ST6GALNAC3: variants seen among roughly 807,000 people sequenced by gnomAD.
ST6GALNAC3 encodes ST6 N-acetylgalactosaminide alpha-2,6-sialyltransferase 3, also known as alpha-N-acetylgalactosaminide alpha-2,6-sialyltransferase 3.
A neutral mutation model predicts 32.7 loss-of-function variants in ST6GALNAC3; 25 were observed. The ratio of observed to expected loss-of-function variants is 0.76; its 90% CI spans 0.56 to 1.07. The LOEUF (loss-of-function observed/expected upper bound fraction) is 1.07, where lower values mean the gene tolerates loss of function less well. ST6GALNAC3 is among the 50% of genes least tolerant of loss of function. The pLI is 0.00. For synonymous variants in ST6GALNAC3, 129 were observed against 133.1 expected, an observed-to-expected ratio of 0.97 and a Z score of 0.21; for missense variants, 355 against 382.4, an observed-to-expected ratio of 0.93 and a Z score of 0.60.
intron 1 of ST6GALNAC3, among the ~76,000 whole-genome samples, chr1:76,123,561 G>T (rs1254664713): frequency 6.6e-6 from 1 of 151,968 alleles, no homozygotes; most frequent in Non-Finnish European, 1.5e-5. Flanking sequence ...AAGGGGGTAG[G>T]TATAGTGCTT....
chr1:76,262,897 A>G (rs1271292669), intron 1 of ST6GALNAC3, among the ~76,000 whole-genome samples: 1 of 152,076 alleles, frequency 6.6e-6, no homozygotes, highest in African/African-American at 2.4e-5. Context: ...CATGTTTATT[A>G]TATCCTGGAT....
At chr1:76,390,943 T>TAC (rs765956351) in intron 2 of ST6GALNAC3, among the ~76,000 whole-genome samples, 1 of 55,144 alleles carries the variant, frequency 1.8e-5, no homozygotes, top group Non-Finnish European at 4.7e-5. Flanking sequence ...TATATATATA[T>TAC]GTATTTTTTT....
chr1:76,103,002 A>T (rs76560645), intron 1 of ST6GALNAC3, among the ~76,000 whole-genome samples: 3 of 151,936 alleles, frequency 2.0e-5, no homozygotes, highest in African/African-American at 7.2e-5. Context: ...TGTTCTTTCA[A>T]TACTTAAAAG....
intron 3 of ST6GALNAC3, among the ~76,000 whole-genome samples, chr1:76,494,429 G>GTATATATATATATA (rs60378565): frequency 7.5e-5 from 4 of 53,420 alleles, no homozygotes; most frequent in African/African-American, 1.3e-4. Flanking sequence ...GTGTGCATGT[G>GTATATATATATATA]TATATATATA....
chr1:76,284,530 T>C (rs1368351575), intron 1 of ST6GALNAC3, among the ~76,000 whole-genome samples: 3 of 152,170 alleles, frequency 2.0e-5, no homozygotes. Context: ...ACTGGCTTCC[T>C]GGGATTTGTG....
chr1:76,555,347 T>C (rs568763649), intron 3 of ST6GALNAC3, among the ~76,000 whole-genome samples: 1 of 152,198 alleles, frequency 6.6e-6, no homozygotes, highest in Non-Finnish European at 1.5e-5. Context: ...TTCTAGTTTC[T>C]GTGGAATTAA....
chr1:76,524,890 A>C (rs953223869), intron 3 of ST6GALNAC3, among the ~76,000 whole-genome samples: 1 of 151,948 alleles, frequency 6.6e-6, no homozygotes, highest in African/African-American at 2.4e-5. Context: ...TATATAAAAA[A>C]ATTTTGTGAT....
intron 1 of ST6GALNAC3, among the ~76,000 whole-genome samples, chr1:76,280,631 T>C (rs1659444158): frequency 3.3e-5 from 5 of 152,186 alleles, no homozygotes; most frequent in Admixed American, 3.3e-4. Flanking sequence ...GAAAGGATTC[T>C]TGTAAGAATT....
chr1:76,185,728 G>T lies in ST6GALNAC3; in HGVS notation c.18+110844G>T, dbSNP rs143873718. Among the ~76,000 whole-genome samples the T allele has an allele frequency of 7.1e-3, 1,084 of 152,292 alleles. 30 individuals are homozygous for T. The highest frequency in any genetic ancestry group is 0.058 in the Admixed American group (893 of 15,294). ...ACACAGAGACGAACAGACCAGACAT[G>T]GTCCCTGCCCTCTTGGAGGAACACA... On this transcript the variant is annotated intron_variant, in intron 1 of 4. Coordinates refer to ENST00000328299, the MANE Select transcript of ST6GALNAC3 (RefSeq NM_152996.4).
chr1:76,241,301 A>G (rs1656949940), intron 1 of ST6GALNAC3, among the ~76,000 whole-genome samples: 1 of 152,206 alleles, frequency 6.6e-6, no homozygotes, highest in Admixed American at 6.5e-5. Flanking sequence ...GATATCTAGG[A>G]AAGTTCAAGG....
intron 2 of ST6GALNAC3, among the ~76,000 whole-genome samples, chr1:76,410,967 G>C (rs1222760611): frequency 6.6e-6 from 1 of 152,102 alleles, no homozygotes; most frequent in East Asian, 1.9e-4. Context: ...ACCCAGTCGA[G>C]AGAGGCTACT....
rs771895276 is a variant in ST6GALNAC3, at chr1:76,412,076, G to A, written c.282G>A (p.Val94=). The change falls in exon 3 of 5, where the codon GTG becomes GTA. Residue 94 remains valine (V), a synonymous_variant. Transcript: ENST00000328299. ...CAGGTCAGATGGTTGGCCAGAAGGTGGGAAATGAGATAGATCGATCCTCCT... is the reference window on the plus strand; with the variant it reads ...CAGGTCAGATGGTTGGCCAGAAGGTAGGAAATGAGATAGATCGATCCTCCT... ...SNSGQMVGQK[V]GNEIDRSSCI... 2.5e-6 allele frequency: 4 copies of A among 1,613,614 alleles called. No individual in the cohort carries two copies. Among genetic ancestry groups the A allele is most frequent in the Non-Finnish European group, 3.4e-6 (4 of 1,179,738 alleles).
intron 3 of ST6GALNAC3, among the ~76,000 whole-genome samples, chr1:76,435,813 A>G (rs1232796773): frequency 6.6e-6 from 1 of 152,070 alleles, no homozygotes; most frequent in Non-Finnish European, 1.5e-5. Context: ...GAGAATAGCA[A>G]CCAACAACAG....
Position 76,412,327 on chromosome 1 carries a change from G to T in ST6GALNAC3, c.533G>T (p.Gly178Val), listed in dbSNP as rs763395453. The change falls in exon 3 of 5, where the codon GGT becomes GTT. Residue 178 changes from glycine (G) to valine (V), a missense_variant. By Grantham distance (109) the Gly-to-Val change is moderately radical. Transcript: ENST00000328299. ...TACAACATGTTGAAAAAGACAGTTG[G>T]TATCTATCCGAATGCCCAAATATAC... ...IVYNMLKKTV[G>V]IYPNAQIYVT... is the part of the protein sequence containing the mutation. The T allele has an allele frequency of 1.2e-6, 2 of 1,613,538 alleles. No individual in the cohort carries two copies. Among genetic ancestry groups the T allele is most frequent in the African/African-American group, 1.3e-5 (1 of 74,948 alleles).
At chr1:76,337,435 G>A (rs1647590663) in intron 2 of ST6GALNAC3, among the ~76,000 whole-genome samples, 1 of 152,166 alleles carries the variant, frequency 6.6e-6, no homozygotes, top group South Asian at 2.1e-4. Context: ...GGTAACTGAG[G>A]CAGCAAACAA....
Position 76,509,102 on chromosome 1 carries a change from C to T in ST6GALNAC3, c.623+96685C>T, listed in dbSNP as rs1169870544. ...GGAATGGAATTATTTATTCTGGAAA[C>T]ACCAACAGAGTTGTTCGTCAATTGT... On this transcript the variant is annotated intron_variant, in intron 3 of 4. Transcript: ENST00000328299. This position sits in a 1 kb window ranked among gnomAD's most constrained non-coding sequence, Gnocchi z 5.5. 1.3e-5 allele frequency among the ~76,000 whole-genome samples: 2 copies of T among 152,172 alleles called. No homozygotes were observed. The highest frequency in any genetic ancestry group is 2.9e-5 in the Non-Finnish European group (2 of 68,030).
chr1:76,223,111 A>G (rs1031773691), intron 1 of ST6GALNAC3, among the ~76,000 whole-genome samples: 3 of 152,162 alleles, frequency 2.0e-5, no homozygotes, highest in Non-Finnish European at 4.4e-5. Flanking sequence ...CTGTATCACT[A>G]TTCAAAATAA....
intron 1 of ST6GALNAC3, among the ~76,000 whole-genome samples, chr1:76,081,912 A>G (rs908903947): frequency 6.6e-6 from 1 of 152,240 alleles, no homozygotes. Flanking sequence ...AATGCTTGTG[A>G]ATGCACTTTG....
intron 1 of ST6GALNAC3, among the ~76,000 whole-genome samples, chr1:76,100,806 T>C (rs1647206405): frequency 6.6e-6 from 1 of 152,110 alleles, no homozygotes; most frequent in African/African-American, 2.4e-5. Context: ...ATCTGTTTTT[T>C]TTTTTTTCCT....
Sources: gnomAD v4.1 joint callset for allele counts (sites outside exome capture counted in the v4.1 genomes callset) on GRCh38, gnomAD v4.1.1 for gene constraint, Gnocchi (gnomAD v3.1) non-coding constraint, MANE v1.5 for transcripts, NCBI Gene and HGNC (gene_info 2026-07-23, HGNC 2026-07-21) for gene names.